The following PTPN23 variants were observed in gnomAD, a reference collection of about 807,000 sequenced individuals.
The protein encoded by PTPN23 is tyrosine-protein phosphatase non-receptor type 23.
In PTPN23, 72 loss-of-function variants were observed where a neutral mutation model predicts 156.3. That is an observed-to-expected ratio of 0.46 (90% CI 0.38 to 0.56). The LOEUF (loss-of-function observed/expected upper bound fraction) is 0.56, where lower values mean the gene tolerates loss of function less well. Among genes scored for constraint, PTPN23 ranks in the 20% least tolerant of loss-of-function variants. PTPN23 has a pLI of 0.00. For missense variants in PTPN23, 1,974 were observed against 2,171.5 expected (o/e 0.91, Z 1.81); for synonymous variants, 957 against 899.6 (o/e 1.06, Z -1.14).
chr3:47,405,841 A>G lies in PTPN23; in HGVS notation c.414+43A>G. On this transcript the variant is annotated intron_variant, in intron 5 of 24. Coordinates refer to ENST00000265562, the MANE Select transcript of PTPN23 (RefSeq NM_015466.4). This position sits in a 1 kb window ranked among gnomAD's most constrained non-coding sequence, Gnocchi z 4.7. ...AGTGGAACATGTGGACATACCAGGGAGGGGCAGCCTCCCAAGTATGGATGA... is the reference window on the plus strand; with the variant it reads ...AGTGGAACATGTGGACATACCAGGGGGGGGCAGCCTCCCAAGTATGGATGA... 6.3e-7 allele frequency: 1 copy of G among 1,591,232 alleles called. No homozygotes were observed. The highest frequency in any genetic ancestry group is 8.6e-7 in the Non-Finnish European group (1 of 1,167,276).
Position 47,406,859 on chromosome 3 carries a change from G to GCCAT in PTPN23, c.807+111_807+114dup. 7.1e-7 allele frequency: 1 copy of GCCAT among 1,412,420 alleles called. No homozygotes were observed. The highest frequency in any genetic ancestry group is 1.2e-5 in the South Asian group (1 of 80,404). 87.5% of individuals were successfully genotyped at this position (1,412,420 alleles called of 1,614,324 possible). A position where few individuals can be genotyped will look rare whatever the true frequency, so the allele number is the denominator to read the frequency against. On this transcript the variant is annotated intron_variant, in intron 9 of 24. Transcript: ENST00000265562. The surrounding 1 kb of genome is among the most constrained non-coding windows in gnomAD (Gnocchi z 5.8). ...GGGTGGCCTTCTCTGTCTCACCCTGGCCATCACCCTGCTGGAGGCCTGGTG... is the reference window on the plus strand; with the variant it reads ...GGGTGGCCTTCTCTGTCTCACCCTGGCCATCCATCACCCTGCTGGAGGCCTGGTG...
intron 1 of PTPN23, among the ~76,000 whole-genome samples, chr3:47,388,205 C>A (rs1227499854): frequency 6.6e-6 from 1 of 152,006 alleles, no homozygotes. Flanking sequence ...CTTCTAAGTT[C>A]TTTTTTATTT....
chr3:47,411,900 C>T lies in PTPN23; in HGVS notation c.4006C>T (p.Leu1336=). 6.2e-7 allele frequency: 1 copy of T among 1,613,520 alleles called. No homozygotes were observed. Among genetic ancestry groups the T allele is most frequent in the East Asian group, 2.2e-5 (1 of 44,882 alleles). ...TETHVERVLS[L]QFRDQSLKRS... ...AACCCATGTGGAGCGCGTGCTGAGCCTGCAGTTCCGAGACCAGAGCCTCAA... is the reference window on the plus strand; with the variant it reads ...AACCCATGTGGAGCGCGTGCTGAGCTTGCAGTTCCGAGACCAGAGCCTCAA... The change falls in exon 21 of 25, where the codon CTG becomes TTG. Residue 1336 remains leucine (L), a synonymous_variant. Transcript: ENST00000265562. This position sits in a 1 kb window ranked among gnomAD's most constrained non-coding sequence, Gnocchi z 6.3.
Position 47,404,729 on chromosome 3 carries a change from G to A in PTPN23, c.237G>A (p.Gln79=). 6.2e-7 allele frequency: 1 copy of A among 1,613,996 alleles called. No homozygotes were observed. The highest frequency in any genetic ancestry group is 8.5e-7 in the Non-Finnish European group (1 of 1,180,038). Residue 79 remains glutamine, a synonymous_variant, in exon 3 of 25, where the codon CAG becomes CAA. Coordinates refer to ENST00000265562, the MANE Select transcript of PTPN23 (RefSeq NM_015466.4). The part of the protein sequence containing the change: ...RKYLGQLHYL[Q]SRVPMGSGQE... ...ACCTCGGCCAGCTTCATTACCTGCA[G>A]AGTCGGGTCCCCATGGGCTCGGGCC...
Position 47,406,779 on chromosome 3 carries a change from A to C in PTPN23, c.807+29A>C, listed in dbSNP as rs1705136261. 2 of 1,612,484 alleles carry C rather than the reference A, an allele frequency of 1.2e-6. No individual in the cohort carries two copies. Among genetic ancestry groups the C allele is most frequent in the Admixed American group, 3.3e-5 (2 of 59,926 alleles). On this transcript the variant is annotated intron_variant, in intron 9 of 24. Transcript: ENST00000265562. This position sits in a 1 kb window ranked among gnomAD's most constrained non-coding sequence, Gnocchi z 5.8. ...AGCTACAGCGAGGAGGGGACTGGGG[A>C]CCAATGGCAGCCTTCAGTGAGATGC... is the stretch of plus-strand genomic sequence containing the variant.
chr3:47,382,754 T>A (rs1704574436), intron 1 of PTPN23, among the ~76,000 whole-genome samples: 1 of 128,248 alleles, frequency 7.8e-6, no homozygotes, highest in East Asian at 2.7e-4. Context: ...AGTGGCGCAA[T>A]CTCAGCTCAC....
Position 47,409,994 on chromosome 3 carries a change from G to T in PTPN23, c.2196G>T (p.Glu732Asp), listed in dbSNP as rs781228504. ...APKPLLPRRE[E>D]SEAVEAGDPP... Reference sequence around the variant, plus strand: ...AGCCGCTGCTGCCCCGCAGGGAGGAGAGTGAGGCAGTGGAAGCAGGAGACC... The same window carrying T: ...AGCCGCTGCTGCCCCGCAGGGAGGATAGTGAGGCAGTGGAAGCAGGAGACC... The change falls in exon 20 of 25, where the codon GAG (glutamate) becomes GAT (aspartate). Residue 732 changes from glutamate to aspartate, a missense_variant. Transcript: ENST00000265562. 2 of 1,602,864 alleles carry T rather than the reference G, an allele frequency of 1.2e-6. No homozygotes were observed. The highest frequency in any genetic ancestry group is 1.1e-5 in the South Asian group (1 of 89,406).
In PTPN23 at chr3:47,381,053, A is replaced by C; in HGVS notation, c.-44A>C. 1 of 1,551,938 alleles carries C rather than the reference A, an allele frequency of 6.4e-7. No homozygotes were observed. Among genetic ancestry groups the C allele is most frequent in the Non-Finnish European group, 8.7e-7 (1 of 1,147,804 alleles). Reference sequence around the variant, plus strand: ...GGCTCGTGGCTGAGCCAGCAGCTGCAGCAGCTACGGGAGTGGCCGGGTGGC... The same window carrying C: ...GGCTCGTGGCTGAGCCAGCAGCTGCCGCAGCTACGGGAGTGGCCGGGTGGC... On this transcript the variant is annotated 5_prime_UTR_variant, in exon 1 of 25. Transcript: ENST00000265562.
At chr3:47,386,150 G>C (rs1211889039) in intron 1 of PTPN23, among the ~76,000 whole-genome samples, 4 of 152,074 alleles carry the variant, frequency 2.6e-5, no homozygotes, top group Non-Finnish European at 4.4e-5. Context: ...CTGCACCACA[G>C]AGTGCACGCT....
chr3:47,408,696 G>A (rs970529382), intron 15 of PTPN23, 80 bp from the exon 16 acceptor site: 20 of 1,502,694 alleles, frequency 1.3e-5, no homozygotes, highest in East Asian at 2.3e-5. Context: ...CTGAGGGGGC[G>A]GTTCTGTCTC....
rs1705207294 is a variant in PTPN23, at chr3:47,409,286, C to T, written c.1766C>T (p.Ser589Leu). The change falls in exon 17 of 25, where the codon TCG becomes TTG. Residue 589 changes from serine to leucine, a missense_variant. This residue lies in a region of PTPN23 where 726 missense variants were observed against 929.5 expected (regional missense o/e 0.78). Transcript: ENST00000265562. ...ELIQKDDITA[S>L]LVTTDHSEMK... The stretch of plus-strand genomic sequence containing the variant: ...ATCCAGAAAGATGACATCACTGCCT[C>T]GCTGGTCACCACAGACCACTCAGAG... The T allele has an allele frequency of 2.5e-6, 4 of 1,614,106 alleles. No homozygotes were observed. Among genetic ancestry groups the T allele is most frequent in the Non-Finnish European group, 2.5e-6 (3 of 1,180,036 alleles).
In PTPN23 at chr3:47,397,480, A is replaced by G. The variant is rs1042515824; in HGVS notation, c.159+1263A>G. ...TAGAAGGGTAAGAGTCTGCACTGGC[A>G]TGGCTGAACTTGAGTACCAGTAATG... On this transcript the variant is annotated intron_variant, in intron 2 of 24. Transcript: ENST00000265562. Among the ~76,000 whole-genome samples the G allele has an allele frequency of 3.9e-5, 6 of 152,220 alleles. No individual in the cohort carries two copies. The East Asian group carries it at 1.2e-3, about 29-fold the overall frequency.
intron 1 of PTPN23, among the ~76,000 whole-genome samples, chr3:47,392,359 T>C (rs1293753486): frequency 1.3e-5 from 2 of 151,260 alleles, no homozygotes; most frequent in Non-Finnish European, 2.9e-5. Context: ...ATTTTTAAAT[T>C]TTTTTTCGTA....
intron 1 of PTPN23, among the ~76,000 whole-genome samples, chr3:47,386,177 T>G (rs1439416792): frequency 6.6e-6 from 1 of 152,100 alleles, no homozygotes; most frequent in South Asian, 2.1e-4. Flanking sequence ...TTTTTCTTTT[T>G]TTTTGGAGAC....
rs1705283676 is a variant in PTPN23 at position 47,411,337 on chromosome 3, C to A, written c.3539C>A (p.Ala1180Asp). ...RLRQLQQELE[A>D]FRGQLGDVGA... is the part of the protein sequence containing the mutation. ...CGGCAGTTGCAGCAGGAGCTGGAGGCCTTTCGGGGTCAGCTGGGGGATGTG... is the reference window on the plus strand; with the variant it reads ...CGGCAGTTGCAGCAGGAGCTGGAGGACTTTCGGGGTCAGCTGGGGGATGTG... The change falls in exon 20 of 25, where the codon GCC becomes GAC. Residue 1180 changes from alanine to aspartate, a missense_variant. Physicochemically the swap from Ala to Asp is moderately radical, Grantham distance 126. This residue lies in a region of PTPN23 where 731 missense variants were observed against 669.1 expected (regional missense o/e 1.09). Transcript: ENST00000265562. The surrounding 1 kb of genome is among the most constrained non-coding windows in gnomAD (Gnocchi z 6.3). 1.2e-6 allele frequency: 2 copies of A among 1,612,746 alleles called. No homozygotes were observed. Among genetic ancestry groups the A allele is most frequent in the African/African-American group, 2.7e-5 (2 of 74,946 alleles).
chr3:47,405,292 G>A lies in PTPN23; in HGVS notation c.364+211G>A. On this transcript the variant is annotated intron_variant, in intron 4 of 24. Coordinates refer to ENST00000265562, the MANE Select transcript of PTPN23 (RefSeq NM_015466.4). The surrounding 1 kb of genome is among the most constrained non-coding windows in gnomAD (Gnocchi z 4.7). Reference sequence around the variant, plus strand: ...CCTCTGCTGGGGCGAGGCTCTACTGGGCTGGCTGCCACACAGAGTTGCCAC... The same window carrying A: ...CCTCTGCTGGGGCGAGGCTCTACTGAGCTGGCTGCCACACAGAGTTGCCAC... 1.7e-6 allele frequency: 1 copy of A among 593,226 alleles called. No individual in the cohort carries two copies. The allele number at this position is 593,226 out of a possible 1,614,324, so 36.7% of individuals were successfully genotyped here. A position where few individuals can be genotyped will look rare whatever the true frequency, so the allele number is the denominator to read the frequency against.
At chr3:47,389,840 CAAA>C (rs34520125) in intron 1 of PTPN23, among the ~76,000 whole-genome samples, 6 of 32,354 alleles carry the variant, frequency 1.9e-4, no homozygotes, top group African/African-American at 4.0e-4. Flanking sequence ...GACTCCGTCT[CAAA>C]AAAAAAAAAA....
In PTPN23 at chr3:47,410,877, C is replaced by T. The variant is rs762968224; in HGVS notation, c.3079C>T (p.Leu1027=). The T allele has an allele frequency of 8.7e-6, 14 of 1,611,344 alleles. No individual in the cohort carries two copies. In the African/African-American group the frequency reaches 1.3e-4, roughly 15 times the overall value. ...CTACCCAGGTCCCGCTCAAGACCCT[C>T]TGCCAGCCCACTCAGGGGCTCTGCC... The part of the protein sequence containing the change: ...QLYPGPAQDP[L]PAHSGALPFP... The change falls in exon 20 of 25, where the codon CTG becomes TTG. Residue 1027 remains leucine, a synonymous_variant. Transcript: ENST00000265562.
chr3:47,392,896 T>A (rs936811850), intron 1 of PTPN23, among the ~76,000 whole-genome samples: 1 of 151,868 alleles, frequency 6.6e-6, no homozygotes, highest in Non-Finnish European at 1.5e-5. Context: ...TGGGATTTAC[T>A]CTTTGTTGCC....
Sources: allele counts gnomAD v4.1 joint callset (sites outside exome capture counted in the v4.1 genomes callset), GRCh38; gene constraint gnomAD v4.1.1; regional missense constraint gnomAD v4.1.1; non-coding constraint Gnocchi (gnomAD v3.1); transcripts MANE v1.5; gene names NCBI Gene and HGNC (gene_info 2026-07-23, HGNC 2026-07-21).